Variants in DGKH observed in about 807,000 individuals in gnomAD.
DGKH encodes the protein DAG kinase eta.
DGKH carries 90 observed loss-of-function variants against 159.3 expected under a neutral mutation model. The ratio of observed to expected loss-of-function variants is 0.57; its 90% CI spans 0.48 to 0.67. The LOEUF (loss-of-function observed/expected upper bound fraction) is 0.67, where lower values mean the gene tolerates loss of function less well. Ranked by LOEUF, DGKH falls within the 30% of genes least tolerant of loss-of-function variation. The pLI, the probability that DGKH is intolerant of heterozygous loss-of-function variation, is 0.00. For synonymous variants in DGKH, 536 were observed against 553.8 expected (o/e 0.97, Z 0.45); for missense variants, 1,181 against 1,506.1 (o/e 0.78, Z 3.57).
At chr13:42,161,955 A>G (rs967812311) in intron 7 of DGKH, among the ~76,000 whole-genome samples, 1 of 152,182 alleles carries the variant, frequency 6.6e-6, no homozygotes, top group East Asian at 1.9e-4. Flanking sequence ...TAGGTTTATT[A>G]CTTGCTCATT....
intron 11 of DGKH, among the ~76,000 whole-genome samples, chr13:42,171,577 A>G (rs978757837): frequency 3.3e-5 from 5 of 152,204 alleles, no homozygotes; most frequent in African/African-American, 1.2e-4. Context: ...ACTGTCTTTG[A>G]CCAGAAAAGT....
chr13:42,162,844 T>A (rs944351497), intron 7 of DGKH, among the ~76,000 whole-genome samples: 3 of 148,442 alleles, frequency 2.0e-5, no homozygotes, highest in Middle Eastern at 3.2e-3. Context: ...TTTTTTTTTT[T>A]ATTTTGCGTA....
intron 30 of DGKH, chr13:42,255,792 G>T: frequency 1.9e-6 from 1 of 521,158 alleles, no homozygotes; most frequent in Non-Finnish European, 3.3e-6. Context: ...TATTTTCTCT[G>T]TCATTGGGTT....
At chr13:42,119,133 A>G (rs1293448487) in intron 1 of DGKH, among the ~76,000 whole-genome samples, 3 of 152,180 alleles carry the variant, frequency 2.0e-5, no homozygotes, top group East Asian at 3.8e-4. Context: ...ACCAGATGCT[A>G]CGGTGATGCA....
rs1391656336 is a variant in DGKH at position 42,207,019 on chromosome 13, CTTTCTT to C, written c.2601+881_2601+886del. Among the ~76,000 whole-genome samples the C allele has an allele frequency of 1.5e-3, 218 of 140,930 alleles. 1 individual carries two copies. Among genetic ancestry groups the C allele is most frequent in the African/African-American group, 3.0e-3 (113 of 37,374 alleles). 92.5% of individuals were successfully genotyped at this position (140,930 alleles called of 152,430 possible). On this transcript the variant is annotated intron_variant, in intron 21 of 29. Transcript: ENST00000337343. ...TCTTTCTTTCTTTCTTTCTTTCTTT[CTTTCTT>C]TTTCTTTCTTTCTTTCCTTCTTTCC...
At chr13:42,077,896 TC>T (rs1327565888) in intron 1 of DGKH, among the ~76,000 whole-genome samples, 4 of 152,218 alleles carry the variant, frequency 2.6e-5, no homozygotes, top group Non-Finnish European at 5.9e-5. Context: ...CAGCCCTGCT[TC>T]CCCCTAGTTC....
intron 7 of DGKH, among the ~76,000 whole-genome samples, chr13:42,160,632 G>A (rs1237387192): frequency 6.6e-6 from 1 of 152,216 alleles, no homozygotes; most frequent in Admixed American, 6.5e-5. Flanking sequence ...GACAGTCAGA[G>A]TAGGAAGGAG....
chr13:42,130,270 A>G (rs1955261839), intron 3 of DGKH, among the ~76,000 whole-genome samples: 1 of 152,064 alleles, frequency 6.6e-6, no homozygotes, highest in Admixed American at 6.5e-5. Context: ...ACCCATGCCT[A>G]TGCTTTTCCT....
chr13:42,084,956 G>T (rs1954274862), intron 1 of DGKH, among the ~76,000 whole-genome samples: 1 of 151,520 alleles, frequency 6.6e-6, no homozygotes, highest in African/African-American at 2.4e-5. Context: ...AAATAGATAT[G>T]TATGCATTCT....
At chr13:42,256,302 G>A in exon 31 of DGKH, 2 of 1,596,208 alleles carry the variant, frequency 1.3e-6, no homozygotes, top group South Asian at 1.1e-5. Flanking sequence ...ACAGAAAACT[G>A]CGTGGTGGGA....
intron 1 of DGKH, among the ~76,000 whole-genome samples, chr13:42,052,343 C>G (rs183531741): frequency 3.3e-5 from 5 of 152,294 alleles, no homozygotes; most frequent in African/African-American, 1.2e-4. Context: ...TTTTCCTCTT[C>G]CTCTGTTTTG....
chr13:42,076,542 CTT>C (rs767661500), intron 1 of DGKH, among the ~76,000 whole-genome samples: 58 of 152,248 alleles, frequency 3.8e-4, no homozygotes, highest in Non-Finnish European at 7.8e-4. Flanking sequence ...TCGTAACCCT[CTT>C]TTTTATTGCC....
downstream of DGKH, among the ~76,000 whole-genome samples, chr13:42,243,617 G>A (rs1028103434): frequency 6.6e-6 from 1 of 152,184 alleles, no homozygotes; most frequent in Middle Eastern, 3.2e-3. Flanking sequence ...CAAAGGAAGG[G>A]CAGAGATAGA....
chr13:42,054,743 C>T (rs1273000947), intron 1 of DGKH, among the ~76,000 whole-genome samples: 1 of 151,982 alleles, frequency 6.6e-6, no homozygotes, highest in South Asian at 2.1e-4. Context: ...CTTAAATGTT[C>T]TCACCCACAA....
At chr13:42,061,994 T>TGTGG (rs1882216433) in intron 1 of DGKH, among the ~76,000 whole-genome samples, 2 of 151,648 alleles carry the variant, frequency 1.3e-5, no homozygotes, top group African/African-American at 4.8e-5. Flanking sequence ...TGTGGGTGTG[T>TGTGG]GTGTGTGTGT....
chr13:42,087,083 A>ACACACACACACC (rs1301819914), intron 1 of DGKH, among the ~76,000 whole-genome samples: 1 of 143,846 alleles, frequency 7.0e-6, no homozygotes, highest in Non-Finnish European at 1.5e-5. Context: ...ACACACACAC[A>ACACACACACACC]CCTCAGAACA....
At chr13:42,143,635 T>C (rs1349125475) in intron 3 of DGKH, among the ~76,000 whole-genome samples, 2 of 152,188 alleles carry the variant, frequency 1.3e-5, no homozygotes. Flanking sequence ...TGGGAGGGTG[T>C]ATGTGTCGAG....
intron 1 of DGKH, among the ~76,000 whole-genome samples, chr13:42,096,763 T>C (rs1302073310): frequency 6.6e-6 from 1 of 152,178 alleles, no homozygotes; most frequent in Non-Finnish European, 1.5e-5. Context: ...CCTTTCAAGA[T>C]GGAGGTATCA....
chr13:42,210,594 TTAAA>T lies in DGKH; in HGVS notation c.2851-5_2851-2del. ...CTAACAATTCGTTACAATATTGACTTTAAATAGGCCTTTGAGAGCACTCTGAAAT... is the reference window on the plus strand; with the variant it reads ...CTAACAATTCGTTACAATATTGACTTTAGGCCTTTGAGAGCACTCTGAAAT... On this transcript the variant is annotated splice_polypyrimidine_tract_variant and splice_region_variant and intron_variant, in intron 23 of 29. Transcript: ENST00000337343. 2 of 1,610,448 alleles carry T rather than the reference TTAAA, an allele frequency of 1.2e-6. No homozygotes were observed. The highest frequency in any genetic ancestry group is 2.3e-4 in the Middle Eastern group (1 of 4,418).
Sources: gnomAD v4.1 joint callset for allele counts (sites outside exome capture counted in the v4.1 genomes callset) on GRCh38, gnomAD v4.1.1 for gene constraint, MANE v1.5 for transcripts, NCBI Gene and HGNC (gene_info 2026-07-23, HGNC 2026-07-21) for gene names.